CIZ1: variants seen among roughly 807,000 people sequenced by gnomAD.
CIZ1 encodes CDKN1A interacting zinc finger protein 1.
Under a neutral mutation model 118.6 loss-of-function variants are expected in CIZ1, and 58 were observed. The observed-to-expected ratio is 0.49, with a 90% CI of 0.40 to 0.61. The LOEUF (loss-of-function observed/expected upper bound fraction) is 0.61. Among genes scored for constraint, CIZ1 ranks in the 20% least tolerant of loss-of-function variants. The pLI, the probability that CIZ1 is intolerant of heterozygous loss-of-function variation, is 0.00. For missense variants in CIZ1, 921 were observed against 1,115.9 expected (o/e 0.83, Z 2.49); for synonymous variants, 448 against 443.4 (o/e 1.01, Z -0.13).
chr9:128,188,236 T>C (rs1353639449), intron 3 of CIZ1, among the ~76,000 whole-genome samples: 1 of 151,888 alleles, frequency 6.6e-6, no homozygotes, highest in Non-Finnish European at 1.5e-5. Flanking sequence ...GATCAAATCC[T>C]ATGGTAAACG....
chr9:128,196,970 A>C (rs535111191), intron 1 of CIZ1: 1 of 152,318 alleles, frequency 6.6e-6, no homozygotes, highest in South Asian at 2.1e-4. Context: ...TAGTACTTGC[A>C]CAGTTTCTAT....
intron 4 of CIZ1, 113 bp from the exon 5 acceptor site, chr9:128,185,889 G>C: frequency 1.3e-6 from 1 of 780,514 alleles, no homozygotes; most frequent in South Asian, 1.5e-5. Flanking sequence ...AATTGAAAGG[G>C]ACCTTCCCAC....
chr9:128,194,878 C>T (rs116743288), upstream of CIZ1, among the ~76,000 whole-genome samples: 10,495 of 152,210 alleles, frequency 0.069, 761 homozygotes, highest in East Asian at 0.42. Context: ...AGCGCAGTGG[C>T]ACGATCATAG....
At chr9:128,199,460 G>A (rs191512065) in intron 1 of CIZ1, among the ~76,000 whole-genome samples, 86 of 152,152 alleles carry the variant, frequency 5.7e-4, no homozygotes, top group African/African-American at 2.0e-3. Context: ...CAGCACTTTG[G>A]GAGGCCAAAA....
rs1160369845 is a variant in CIZ1, at chr9:128,182,371, C to T, written c.589-1557G>A. Among the ~76,000 whole-genome samples, 4 of 152,274 alleles carry T rather than the reference C, an allele frequency of 2.6e-5. No individual in the cohort carries two copies. The East Asian group carries it at 7.7e-4, about 29-fold the overall frequency. On this transcript the variant is annotated intron_variant, in intron 5 of 16. Coordinates refer to ENST00000372938, the MANE Select transcript of CIZ1 (RefSeq NM_001131016.2). ...GTCCCTACAGGTCTCAAACTCCTGA[C>T]CTCAGATGATCTGCCCGCCTCGGCC... is the stretch of plus-strand genomic sequence containing the variant.
intron 7 of CIZ1, among the ~76,000 whole-genome samples, chr9:128,180,022 G>T (rs1831373318): frequency 6.6e-6 from 1 of 152,170 alleles, no homozygotes; most frequent in Non-Finnish European, 1.5e-5. Context: ...TGGGGATTTG[G>T]GCAAACTCCT....
At position 128,180,773 on chromosome 9, in the gene CIZ1, G is replaced by C; in HGVS notation, c.630C>G (p.Asp210Glu). Residue 210 changes from aspartate (D) to glutamate (E), a missense_variant, in exon 6 of 17, where the codon GAC (aspartate) becomes GAG (glutamate). Coordinates refer to ENST00000372938, the MANE Select transcript of CIZ1 (RefSeq NM_001131016.2). ...CGGCTTCCTCAGACCCCTCTGGGGGGTCTGACTTGTCTTCCACAGGCATTG... is the reference window on the plus strand; with the variant it reads ...CGGCTTCCTCAGACCCCTCTGGGGGCTCTGACTTGTCTTCCACAGGCATTG... ...SQTMPVEDKS[D>E]PPEGSEEAAE... is the part of the protein sequence containing the mutation. The C allele has an allele frequency of 1.2e-6, 2 of 1,611,582 alleles. No individual in the cohort carries two copies. The highest frequency in any genetic ancestry group is 1.7e-6 in the Non-Finnish European group (2 of 1,179,444).
At chr9:128,194,368 A>G, upstream of CIZ1, among the ~76,000 whole-genome samples, 1 of 151,294 alleles carries the variant, frequency 6.6e-6, no homozygotes, top group Admixed American at 6.6e-5. Flanking sequence ...ATCTCAAAAA[A>G]AAAAAAAAAA....
intron 5 of CIZ1, among the ~76,000 whole-genome samples, chr9:128,182,811 C>T (rs1472041499): frequency 6.6e-6 from 1 of 151,742 alleles, no homozygotes; most frequent in Non-Finnish European, 1.5e-5. Context: ...TTCCATAGAG[C>T]CAGGGTCTCA....
Position 128,187,420 on chromosome 9 carries a change from G to A in CIZ1, c.358+443C>T, listed in dbSNP as rs1832518341. On this transcript the variant is annotated intron_variant, in intron 4 of 16. Transcript: ENST00000372938. ...GCTGTGAGCGCTGGGTTCAAATCCA[G>A]ACTCTACAGTGCAAGCTCTGTGACC... 2.6e-5 allele frequency among the ~76,000 whole-genome samples: 4 copies of A among 152,204 alleles called. No individual in the cohort carries two copies. In the South Asian group the frequency reaches 8.3e-4, roughly 31 times the overall value.
chr9:128,174,414 T>C (rs1828089187), intron 11 of CIZ1, among the ~76,000 whole-genome samples: 1 of 152,232 alleles, frequency 6.6e-6, no homozygotes, highest in Non-Finnish European at 1.5e-5. Context: ...GTGCCCACTG[T>C]AGTGAGAGAT....
upstream of CIZ1, among the ~76,000 whole-genome samples, chr9:128,196,201 T>C (rs1023842300): frequency 2.0e-5 from 3 of 152,230 alleles, no homozygotes; most frequent in African/African-American, 7.2e-5. Flanking sequence ...GCACTAAATA[T>C]GTTTAAATTA....
chr9:128,200,221 T>C (rs1165404573), intron 1 of CIZ1: 1 of 152,062 alleles, frequency 6.6e-6, no homozygotes, highest in African/African-American at 2.4e-5. Flanking sequence ...AATATGTGCA[T>C]ATATGAAAAA....
At chr9:128,200,152 C>T (rs781203672) in intron 1 of CIZ1, 1 of 151,830 alleles carries the variant, frequency 6.6e-6, no homozygotes, top group Non-Finnish European at 1.5e-5. Flanking sequence ...ATCAGTGATA[C>T]AGCAGTATAG....
In CIZ1 at chr9:128,187,232, C is replaced by T. The variant is rs571906779; in HGVS notation, c.358+631G>A. Among the ~76,000 whole-genome samples, 3 of 152,344 alleles carry T rather than the reference C, an allele frequency of 2.0e-5. No individual in the cohort carries two copies. In the East Asian group the frequency reaches 5.8e-4, roughly 29 times the overall value. Reference sequence around the variant, plus strand: ...CTGGGATTACAGGCGTGAGCCACCACATCCAGCTCCTTATCTGCTTTCTGC... The same window carrying T: ...CTGGGATTACAGGCGTGAGCCACCATATCCAGCTCCTTATCTGCTTTCTGC... On this transcript the variant is annotated intron_variant, in intron 4 of 16. Coordinates refer to ENST00000372938, the MANE Select transcript of CIZ1 (RefSeq NM_001131016.2).
intron 10 of CIZ1, 129 bp downstream of exon 10, chr9:128,177,437 A>C: frequency 3.1e-6 from 2 of 637,194 alleles, no homozygotes; most frequent in Non-Finnish European, 4.9e-6. Flanking sequence ...CAGGTCAGGA[A>C]ATGTTTCCCA....
intron 11 of CIZ1, among the ~76,000 whole-genome samples, chr9:128,175,346 T>C (rs367790281): frequency 1.1e-4 from 17 of 152,196 alleles, no homozygotes; most frequent in East Asian, 3.9e-4. Flanking sequence ...AACGTCTTGG[T>C]GAGTCATCAT....
intron 4 of CIZ1, among the ~76,000 whole-genome samples, chr9:128,186,670 T>G (rs1010364368): frequency 2.0e-5 from 3 of 152,226 alleles, no homozygotes; most frequent in Non-Finnish European, 4.4e-5. Flanking sequence ...GGTCTGGCCC[T>G]TCCCACCTTT....
rs940721282 is a variant in CIZ1 at position 128,177,781 on chromosome 9, A to G, written c.1621-18T>C. The G allele has an allele frequency of 6.4e-7, 1 of 1,553,390 alleles. No homozygotes were observed. The highest frequency in any genetic ancestry group is 1.4e-5 in the African/African-American group (1 of 73,486). Reference sequence around the variant, plus strand: ...CCCCATACCTGCATGGGGAGTAGGAACTGAACTTCCATCAACTGTGTACTT... The same window carrying G: ...CCCCATACCTGCATGGGGAGTAGGAGCTGAACTTCCATCAACTGTGTACTT... On this transcript the variant is annotated intron_variant, in intron 9 of 16. Transcript: ENST00000372938.
Sources: allele counts gnomAD v4.1 joint callset (sites outside exome capture counted in the v4.1 genomes callset), GRCh38; gene constraint gnomAD v4.1.1; transcripts MANE v1.5; gene names NCBI Gene and HGNC (gene_info 2026-07-23, HGNC 2026-07-21).